Variants in CAMSAP1 observed in about 807,000 individuals in gnomAD.
CAMSAP1 encodes calmodulin-regulated spectrin-associated protein 1.
A neutral mutation model predicts 143.5 loss-of-function variants in CAMSAP1; 58 were observed. The observed-to-expected ratio is 0.40, with a 90% CI of 0.33 to 0.50. The LOEUF (loss-of-function observed/expected upper bound fraction) is 0.50. CAMSAP1 is among the 20% of genes least tolerant of loss of function. The pLI, the probability that CAMSAP1 is intolerant of heterozygous loss-of-function variation, is 0.45. For missense variants in CAMSAP1, 1,969 were observed against 2,115.7 expected (o/e 0.93, Z 1.36); for synonymous variants, 945 against 859.3 (o/e 1.10, Z -1.74).
intron 3 of CAMSAP1, among the ~76,000 whole-genome samples, chr9:135,874,293 C>G (rs900320347): frequency 1.5e-4 from 23 of 152,074 alleles, no homozygotes; most frequent in African/African-American, 5.3e-4. Context: ...GGCAACGTGG[C>G]AAAATCCCCT....
At chr9:135,879,000 C>T (rs916517078) in intron 3 of CAMSAP1, among the ~76,000 whole-genome samples, 1 of 152,124 alleles carries the variant, frequency 6.6e-6, no homozygotes, top group African/African-American at 2.4e-5. Context: ...AGGAAAGGAA[C>T]ATGAGTTGTG....
chr9:135,883,138 C>G (rs909630898), intron 1 of CAMSAP1, 60 bp from the exon 2 acceptor site: 2 of 1,530,574 alleles, frequency 1.3e-6, no homozygotes, highest in East Asian at 4.9e-5. Context: ...GGAAGGAGTT[C>G]AAGGCTGCAG....
chr9:135,817,985 G>C lies in CAMSAP1; in HGVS notation c.4263C>G (p.Pro1421=). 1 of 1,613,878 alleles carries C rather than the reference G, an allele frequency of 6.2e-7. No homozygotes were observed. The highest frequency in any genetic ancestry group is 8.5e-7 in the Non-Finnish European group (1 of 1,179,874). Residue 1421 remains proline (P), a synonymous_variant, in exon 14 of 17, where the codon CCC becomes CCG. Transcript: ENST00000389532. The part of the protein sequence containing the change: ...EPESVHSGGT[P]SQRVESMEAL... Reference sequence around the variant, plus strand: ...CGTCTCAGGCCCCTTACCGCTGAGAGGGTGTGCCCCCGGAATGAACGCTCT... The same window carrying C: ...CGTCTCAGGCCCCTTACCGCTGAGACGGTGTGCCCCCGGAATGAACGCTCT...
intron 3 of CAMSAP1, among the ~76,000 whole-genome samples, chr9:135,867,538 T>C (rs1411432853): frequency 4.0e-5 from 6 of 148,686 alleles, no homozygotes; most frequent in Non-Finnish European, 5.9e-5. Context: ...AAAATACCAA[T>C]ACATAACATG....
Position 135,822,616 on chromosome 9 carries a change from G to T in CAMSAP1, c.2045C>A (p.Pro682His), listed in dbSNP as rs776541189. 6.2e-7 allele frequency: 1 copy of T among 1,612,954 alleles called. No homozygotes were observed. The highest frequency in any genetic ancestry group is 1.7e-5 in the Admixed American group (1 of 59,950). Residue 682 changes from proline (P) to histidine (H), a missense_variant, in exon 11 of 17, where the codon CCT becomes CAT. By Grantham distance (77) the Pro-to-His change is moderately conservative. This residue lies in a region of CAMSAP1 where 1,390 missense variants were observed against 1,420.8 expected (regional missense o/e 0.98). Transcript: ENST00000389532. The surrounding 1 kb of genome is among the most constrained non-coding windows in gnomAD (Gnocchi z 6.1). ...VETAGEVCGGPLALGGFDPFP... is the reference protein window; with the variant it reads ...VETAGEVCGGHLALGGFDPFP... ...CGGATCGAATCCGCCAAGGGCCAGA[G>T]GCCCACCACAGACCTCTCCTGCGGT...
chr9:135,848,769 T>C lies in CAMSAP1; in HGVS notation c.1045+1368A>G, dbSNP rs1297567105. ...TCTGGGAGCTTCTTTTTAGCTGTTA[T>C]GAGCAGAGCTGCTCTGAGCATCCTT... On this transcript the variant is annotated intron_variant, in intron 7 of 16. Coordinates refer to ENST00000389532, the MANE Select transcript of CAMSAP1 (RefSeq NM_015447.4). 2.0e-5 allele frequency among the ~76,000 whole-genome samples: 3 copies of C among 152,266 alleles called. No homozygotes were observed. In the East Asian group the frequency reaches 5.8e-4, roughly 29 times the overall value.
At chr9:135,894,140 A>C (rs945043731) in intron 1 of CAMSAP1, among the ~76,000 whole-genome samples, 1 of 152,038 alleles carries the variant, frequency 6.6e-6, no homozygotes, top group Admixed American at 6.5e-5. Context: ...CCCTACTAAC[A>C]ATCAGCAGGT....
chr9:135,814,495 G>C (rs1237724783), intron 16 of CAMSAP1, among the ~76,000 whole-genome samples: 1 of 152,142 alleles, frequency 6.6e-6, no homozygotes, highest in Non-Finnish European at 1.5e-5. Context: ...TGCCCCTCAG[G>C]GGCCAGCCTA....
intron 7 of CAMSAP1, among the ~76,000 whole-genome samples, chr9:135,845,905 T>C (rs1836530754): frequency 1.3e-5 from 2 of 152,034 alleles, no homozygotes; most frequent in African/African-American, 2.4e-5. Flanking sequence ...TGCTCATGGA[T>C]AGGAAGAATC....
intron 8 of CAMSAP1, among the ~76,000 whole-genome samples, chr9:135,825,265 C>A (rs983511895): frequency 6.6e-6 from 1 of 152,114 alleles, no homozygotes; most frequent in African/African-American, 2.4e-5. Flanking sequence ...AGAGAGAGAA[C>A]TTCAGAGATA....
intron 7 of CAMSAP1, among the ~76,000 whole-genome samples, chr9:135,840,191 T>A (rs899801345): frequency 1.3e-5 from 2 of 152,148 alleles, no homozygotes; most frequent in Non-Finnish European, 2.9e-5. Flanking sequence ...TCAGCAGGCA[T>A]CACTACCCAA....
At chr9:135,839,184 T>C (rs548543772) in intron 7 of CAMSAP1, among the ~76,000 whole-genome samples, 5 of 152,220 alleles carry the variant, frequency 3.3e-5, no homozygotes, top group Admixed American at 3.3e-4. Context: ...ATCCTTCCCA[T>C]ACAAGCTTCT....
At chr9:135,893,567 A>G (rs1304596083) in intron 1 of CAMSAP1, among the ~76,000 whole-genome samples, 1 of 152,222 alleles carries the variant, frequency 6.6e-6, no homozygotes, top group Non-Finnish European at 1.5e-5. Flanking sequence ...TGAGACAGAA[A>G]TAACATACAC....
intron 8 of CAMSAP1, among the ~76,000 whole-genome samples, chr9:135,827,130 A>G (rs978618701): frequency 3.9e-5 from 6 of 152,214 alleles, no homozygotes; most frequent in African/African-American, 1.4e-4. Flanking sequence ...TTTCTTAAAC[A>G]GTGTAACACA....
intron 1 of CAMSAP1, among the ~76,000 whole-genome samples, chr9:135,904,759 G>C (rs1415126784): frequency 6.6e-6 from 1 of 152,146 alleles, no homozygotes; most frequent in African/African-American, 2.4e-5. Context: ...GTGAGGTCAG[G>C]AGTTCGAGAC....
At position 135,815,952 on chromosome 9, in the gene CAMSAP1, G is replaced by A. The variant is rs1269624077; in HGVS notation, c.4325C>T (p.Thr1442Ile). Residue 1442 changes from threonine to isoleucine, a missense_variant, in exon 15 of 17, where the codon ACA becomes ATA. Thr to Ile is a moderately conservative substitution (Grantham distance 89). Transcript: ENST00000389532. ...PILSRNPSRS[T>I]DRDWETASAA... ...CGACGCGGTCTCCCAGTCTCGGTCT[G>A]TGCTCCTGCTTGGGTTACGGCTCAG... is the stretch of plus-strand genomic sequence containing the variant. 13 of 1,613,774 alleles carry A rather than the reference G, an allele frequency of 8.1e-6. No individual in the cohort carries two copies. Among genetic ancestry groups the A allele is most frequent in the African/African-American group, 1.3e-5 (1 of 74,958 alleles).
At chr9:135,854,829 A>G (rs970597145) in intron 5 of CAMSAP1, among the ~76,000 whole-genome samples, 6 of 152,144 alleles carry the variant, frequency 3.9e-5, no homozygotes, top group Non-Finnish European at 5.9e-5. Flanking sequence ...AGGTAACCTC[A>G]TGCCACGGGG....
intron 1 of CAMSAP1, among the ~76,000 whole-genome samples, chr9:135,906,753 G>C (rs1160921961): frequency 6.6e-6 from 1 of 151,868 alleles, no homozygotes; most frequent in Non-Finnish European, 1.5e-5. Context: ...TCCCGAAATA[G>C]GAGCGGAAGC....
chr9:135,879,857 C>G (rs892159089), intron 3 of CAMSAP1, among the ~76,000 whole-genome samples: 4 of 151,660 alleles, frequency 2.6e-5, no homozygotes, highest in Admixed American at 1.3e-4. Context: ...CGGCTGAAAT[C>G]AGATATCTGG....
Sources: gnomAD v4.1 joint callset for allele counts (sites outside exome capture counted in the v4.1 genomes callset) on GRCh38, gnomAD v4.1.1 for gene constraint, gnomAD v4.1.1 regional missense constraint, Gnocchi (gnomAD v3.1) non-coding constraint, MANE v1.5 for transcripts, NCBI Gene and HGNC (gene_info 2026-07-23, HGNC 2026-07-21) for gene names.